AK9: variants seen among roughly 807,000 people sequenced by gnomAD.
AK9 encodes adenylate kinase domain containing 1.
AK9 carries 191 observed loss-of-function variants against 239.6 expected under a neutral mutation model. That is an observed-to-expected ratio of 0.80 (90% CI 0.71 to 0.90). The LOEUF is 0.90. Ranked by LOEUF, AK9 falls within the 40% of genes least tolerant of loss-of-function variation. The probability of loss-of-function intolerance (pLI) is 0.00; values close to 1 mark genes in which losing one functional copy is unlikely to be tolerated. For missense variants in AK9, 1,995 were observed against 2,214.7 expected (o/e 0.90, Z 1.99); for synonymous variants, 689 against 721.0 (o/e 0.96, Z 0.71).
At chr6:109,553,421 C>T (rs145516204) in intron 24 of AK9, among the ~76,000 whole-genome samples, 1,732 of 152,122 alleles carry the variant, frequency 0.011, 31 homozygotes, top group African/African-American at 0.039. Context: ...CTTCATATCC[C>T]TTGTTAGCTG....
At chr6:109,596,371 G>A (rs1791032301) in intron 17 of AK9, among the ~76,000 whole-genome samples, 1 of 152,220 alleles carries the variant, frequency 6.6e-6, no homozygotes, top group Non-Finnish European at 1.5e-5. Context: ...CCAGGTCATG[G>A]AGTGGAGAAA....
Position 109,668,798 on chromosome 6 carries a change from T to C in AK9, c.331+3121A>G, listed in dbSNP as rs1326397385. 8.7e-5 allele frequency among the ~76,000 whole-genome samples: 8 copies of C among 92,178 alleles called. 3 individuals are homozygous for C. The highest frequency in any genetic ancestry group is 8.9e-5 in the African/African-American group (3 of 33,728). The allele number at this position is 92,178 out of a possible 152,430, so 60.5% of individuals were successfully genotyped here. ...CAGTACCACACTGTTTTGGTTACTG[T>C]AGCCTTGTAGTATAGTTTGAAGTCA... is the stretch of plus-strand genomic sequence containing the variant. On this transcript the variant is annotated intron_variant, in intron 5 of 40. Transcript: ENST00000424296.
At chr6:109,509,104 G>A in intron 33 of AK9, 75 bp downstream of exon 33, 1 of 1,399,494 alleles carries the variant, frequency 7.1e-7, no homozygotes. Flanking sequence ...CCATGTAAGT[G>A]TTTTAAATCA....
chr6:109,582,747 T>C (rs1789009157), intron 19 of AK9, among the ~76,000 whole-genome samples: 1 of 152,132 alleles, frequency 6.6e-6, no homozygotes, highest in African/African-American at 2.4e-5. Flanking sequence ...TGAAAGAAGT[T>C]CTACTGTGGG....
intron 1 of AK9, among the ~76,000 whole-genome samples, chr6:109,684,912 A>AAAAAAAAAAAG (rs1183838812): frequency 2.9e-5 from 4 of 136,498 alleles, no homozygotes; most frequent in Non-Finnish European, 6.3e-5. Context: ...AAAAAAAAAA[A>AAAAAAAAAAAG]GTAGGCAAAG....
At chr6:109,632,708 C>T (rs1158239818) in intron 12 of AK9, 1 of 1,164,382 alleles carries the variant, frequency 8.6e-7, no homozygotes, top group East Asian at 3.7e-5. Flanking sequence ...CAGGGAGGGA[C>T]TCTGGTCTGG....
intron 10 of AK9, among the ~76,000 whole-genome samples, chr6:109,640,577 ATTT>A (rs60569476): frequency 0.58 from 86,713 of 149,408 alleles, 26,549 homozygotes; most frequent in South Asian, 0.84. Context: ...CTCCACCCCA[ATTT>A]TTTTTTTTTT....
At chr6:109,607,239 C>T (rs1201527049) in intron 17 of AK9, among the ~76,000 whole-genome samples, 1 of 152,132 alleles carries the variant, frequency 6.6e-6, no homozygotes, top group African/African-American at 2.4e-5. Flanking sequence ...ACGTTGAAGA[C>T]CTTTACCTTG....
At chr6:109,597,622 G>A (rs1322598469) in intron 17 of AK9, among the ~76,000 whole-genome samples, 3 of 152,056 alleles carry the variant, frequency 2.0e-5, no homozygotes, top group East Asian at 1.9e-4. Flanking sequence ...GCAGTGAGCC[G>A]AGATGGCGCC....
intron 35 of AK9, among the ~76,000 whole-genome samples, chr6:109,502,266 T>C (rs996411261): frequency 7.9e-5 from 12 of 152,164 alleles, no homozygotes; most frequent in African/African-American, 2.9e-4. Context: ...AAAGATATAT[T>C]GAAGTACCCC....
At chr6:109,657,702 C>T (rs1193307164) in intron 7 of AK9, among the ~76,000 whole-genome samples, 2 of 152,006 alleles carry the variant, frequency 1.3e-5, no homozygotes, top group Non-Finnish European at 2.9e-5. Context: ...CTCCTGCCTC[C>T]CCCTACCCCC....
chr6:109,532,753 T>C (rs1035139083), intron 28 of AK9, among the ~76,000 whole-genome samples: 7 of 152,226 alleles, frequency 4.6e-5, no homozygotes, highest in Admixed American at 2.0e-4. Context: ...TCATTTCTGT[T>C]AGATACATTC....
intron 33 of AK9, 50 bp from the exon 34 acceptor site, chr6:109,506,850 G>C: frequency 2.8e-6 from 4 of 1,445,822 alleles, no homozygotes; most frequent in Non-Finnish European, 3.6e-6. Context: ...TTTTTCTCTC[G>C]TACTTCCTTT....
Position 109,659,302 on chromosome 6 carries a change from TC to T in AK9, c.555del (p.Lys187ArgfsTer40), listed in dbSNP as rs1489200218. 6.2e-7 allele frequency: 1 copy of T among 1,607,136 alleles called. No homozygotes were observed. Among genetic ancestry groups the T allele is most frequent in the African/African-American group, 1.3e-5 (1 of 74,348 alleles). ...TCCTTTTGGGCTTCTTTCTTCTTTT[TC>T]CTATGATTCTCAATGACTTCAGGAT... Reference protein sequence around the residue: ...QWDPEVIENHRKKKKEAQKDG... With the variant: ...QWDPEVIENHXKKKKEAQKDG... On this transcript the variant is annotated frameshift_variant, in exon 7 of 41. Transcript: ENST00000424296. LOFTEE classifies it high-confidence loss of function.
intron 15 of AK9, among the ~76,000 whole-genome samples, chr6:109,613,479 G>A (rs1481818490): frequency 2.0e-5 from 3 of 151,846 alleles, no homozygotes; most frequent in African/African-American, 7.2e-5. Flanking sequence ...GTATATTACT[G>A]GGGAAACATA....
chr6:109,672,258 G>C, intron 3 of AK9, 91 bp from the exon 4 acceptor site: 1 of 1,108,966 alleles, frequency 9.0e-7, no homozygotes, highest in Admixed American at 2.1e-5. Flanking sequence ...TGGTAACAAA[G>C]ATTAACATTT....
At chr6:109,689,009 AGT>A (rs1773917870) in intron 1 of AK9, among the ~76,000 whole-genome samples, 1 of 152,192 alleles carries the variant, frequency 6.6e-6, no homozygotes, top group Admixed American at 6.5e-5. Context: ...ACAATGACAC[AGT>A]AACCAAGGGC....
At chr6:109,550,351 T>C (rs1054090336) in intron 24 of AK9, 49 bp from the exon 25 acceptor site, 2 of 1,508,030 alleles carry the variant, frequency 1.3e-6, no homozygotes, top group Non-Finnish European at 1.8e-6. Context: ...AAAAAGTATT[T>C]TGATGCAGAT....
intron 29 of AK9, among the ~76,000 whole-genome samples, chr6:109,526,232 A>C (rs1223186105): frequency 1.3e-5 from 2 of 152,134 alleles, no homozygotes; most frequent in Non-Finnish European, 2.9e-5. Context: ...AAACCCCGGC[A>C]ACATGCAATT....
Sources: gnomAD v4.1 joint callset for allele counts (sites outside exome capture counted in the v4.1 genomes callset) on GRCh38, gnomAD v4.1.1 for gene constraint, MANE v1.5 for transcripts, NCBI Gene and HGNC (gene_info 2026-07-23, HGNC 2026-07-21) for gene names.